The following PLD5 variants were observed in gnomAD, a reference collection of about 807,000 sequenced individuals.
PLD5 encodes inactive phospholipase D5.
In PLD5, 36 loss-of-function variants were observed where a neutral mutation model predicts 61.1. The ratio of observed to expected loss-of-function variants is 0.59; its 90% CI spans 0.45 to 0.78. The LOEUF is 0.78. PLD5 is among the 30% of genes least tolerant of loss of function. The pLI is 0.00. For synonymous variants in PLD5, 243 were observed against 242.8 expected (o/e 1.00, Z -0.01); for missense variants, 515 against 644.4 (o/e 0.80, Z 2.17).
At chr1:242,377,867 C>T (rs1320212322) in intron 1 of PLD5, among the ~76,000 whole-genome samples, 1 of 152,054 alleles carries the variant, frequency 6.6e-6, no homozygotes, top group Non-Finnish European at 1.5e-5. Context: ...CGGAAAATAA[C>T]AAATATTAGT....
intron 4 of PLD5, among the ~76,000 whole-genome samples, chr1:242,220,715 T>TA (rs1335401321): frequency 4.9e-5 from 3 of 61,470 alleles, no homozygotes; most frequent in East Asian, 1.6e-3. Flanking sequence ...TTATATTTTA[T>TA]TTTATTTTAT....
At chr1:242,432,251 T>C (rs1477166279) in intron 1 of PLD5, among the ~76,000 whole-genome samples, 1 of 152,090 alleles carries the variant, frequency 6.6e-6, no homozygotes, top group Non-Finnish European at 1.5e-5. Flanking sequence ...AACTACTGGG[T>C]AGGATAGGAA....
chr1:242,428,890 G>A (rs1461072028), intron 1 of PLD5, among the ~76,000 whole-genome samples: 1 of 152,176 alleles, frequency 6.6e-6, no homozygotes, highest in Non-Finnish European at 1.5e-5. Flanking sequence ...TCACAAAATT[G>A]TTCCTTTAGT....
intron 5 of PLD5, among the ~76,000 whole-genome samples, chr1:242,178,630 T>C (rs1667328550): frequency 6.6e-6 from 1 of 152,186 alleles, no homozygotes; most frequent in African/African-American, 2.4e-5. Flanking sequence ...TGCTGCCAGC[T>C]ACAAATGCGT....
intron 1 of PLD5, among the ~76,000 whole-genome samples, chr1:242,438,264 ATTTT>A (rs1237412199): frequency 7.2e-6 from 1 of 138,752 alleles, no homozygotes; most frequent in South Asian, 2.3e-4. Flanking sequence ...AGAAAAAAAA[ATTTT>A]TTTTTTTTTT....
intron 5 of PLD5, among the ~76,000 whole-genome samples, chr1:242,174,372 T>C (rs572420804): frequency 6.6e-6 from 1 of 152,194 alleles, no homozygotes; most frequent in Non-Finnish European, 1.5e-5. Context: ...CCAGTTAGAA[T>C]GGCGATCATT....
chr1:242,347,279 G>C (rs1410739746), intron 2 of PLD5, among the ~76,000 whole-genome samples: 3 of 152,170 alleles, frequency 2.0e-5, no homozygotes, highest in African/African-American at 7.2e-5. Flanking sequence ...GTGGTCTTAG[G>C]CTAATGCTTT....
upstream of PLD5, among the ~76,000 whole-genome samples, chr1:242,525,548 G>A (rs1386417023): frequency 1.3e-5 from 2 of 152,220 alleles, no homozygotes; most frequent in African/African-American, 2.4e-5. Flanking sequence ...TTCATCTTTT[G>A]CTATCTTTGG....
chr1:242,412,245 T>C (rs1664596491), intron 1 of PLD5, among the ~76,000 whole-genome samples: 1 of 152,180 alleles, frequency 6.6e-6, no homozygotes, highest in South Asian at 2.1e-4. Context: ...ATGAGGTGTG[T>C]CCCACCTCCC....
chr1:242,131,299 T>C (rs755280761), intron 5 of PLD5, among the ~76,000 whole-genome samples: 60 of 152,030 alleles, frequency 3.9e-4, no homozygotes, highest in Admixed American at 7.2e-4. Context: ...AGTGAGACTC[T>C]GTCTCAAAAA....
chr1:242,207,974 T>TTA (rs1669541563), intron 5 of PLD5, among the ~76,000 whole-genome samples: 1 of 35,296 alleles, frequency 2.8e-5, no homozygotes, highest in African/African-American at 1.0e-4. Flanking sequence ...TTATATATAT[T>TTA]TTTATATATA....
chr1:242,224,319 T>C (rs1670791040), intron 4 of PLD5, among the ~76,000 whole-genome samples: 1 of 152,152 alleles, frequency 6.6e-6, no homozygotes, highest in African/African-American at 2.4e-5. Context: ...AGAGATGACT[T>C]TAATTTCTAC....
intron 5 of PLD5, among the ~76,000 whole-genome samples, chr1:242,149,670 T>TAC (rs58100712): frequency 0.14 from 19,984 of 146,528 alleles, 1,546 homozygotes; most frequent in South Asian, 0.22. Flanking sequence ...TTTATACACA[T>TAC]ACACACACAC....
At chr1:242,190,467 C>A (rs1052164333) in intron 5 of PLD5, among the ~76,000 whole-genome samples, 3 of 152,006 alleles carry the variant, frequency 2.0e-5, no homozygotes, top group African/African-American at 4.8e-5. Context: ...TCCTTATGGA[C>A]GAGGTGCTCC....
At chr1:242,226,447 T>G (rs984644086) in intron 4 of PLD5, among the ~76,000 whole-genome samples, 1 of 152,240 alleles carries the variant, frequency 6.6e-6, no homozygotes, top group African/African-American at 2.4e-5. Flanking sequence ...AATAATCTTT[T>G]TTGATGCCAA....
At chr1:242,163,861 G>GAAAC (rs1319990536) in intron 5 of PLD5, among the ~76,000 whole-genome samples, 3 of 149,902 alleles carry the variant, frequency 2.0e-5, no homozygotes, top group South Asian at 2.1e-4. Context: ...CTGGAGAAAG[G>GAAAC]AAACAGTATC....
chr1:242,128,858 T>C (rs1407204876), intron 5 of PLD5, among the ~76,000 whole-genome samples: 1 of 152,116 alleles, frequency 6.6e-6, no homozygotes, highest in East Asian at 1.9e-4. Flanking sequence ...ATTGGTATAT[T>C]TCATAAGATT....
At position 242,178,785 on chromosome 1, in the gene PLD5, T is replaced by A. The variant is rs536529158; in HGVS notation, c.735+41203A>T. 1.3e-3 allele frequency among the ~76,000 whole-genome samples: 195 copies of A among 152,350 alleles called. 1 individual carries two copies. Among genetic ancestry groups the A allele is most frequent in the African/African-American group, 4.5e-3 (187 of 41,580 alleles). ...ACATTTCACCCTATCAAGAAGCCAC[T>A]GATCCCTCCATATGTCTAGAAAGGA... On this transcript the variant is annotated intron_variant, in intron 5 of 9. Transcript: ENST00000536534.
At chr1:242,387,086 T>C (rs1203805403) in intron 1 of PLD5, among the ~76,000 whole-genome samples, 1 of 152,200 alleles carries the variant, frequency 6.6e-6, no homozygotes, top group African/African-American at 2.4e-5. Context: ...TTTTACTTCT[T>C]TTGAAAAATT....
Sources: allele counts gnomAD v4.1 joint callset (sites outside exome capture counted in the v4.1 genomes callset), GRCh38; gene constraint gnomAD v4.1.1; transcripts MANE v1.5; gene names NCBI Gene and HGNC (gene_info 2026-07-23, HGNC 2026-07-21).